Variants in GPC6 observed in about 807,000 individuals in gnomAD.
GPC6 encodes the protein glypican-6.
In GPC6, 14 loss-of-function variants were observed where a neutral mutation model predicts 55.2. That is an observed-to-expected ratio of 0.25 (90% CI 0.17 to 0.40). The LOEUF (loss-of-function observed/expected upper bound fraction) is 0.40, where lower values mean the gene tolerates loss of function less well. Among genes scored for constraint, GPC6 ranks in the 10% least tolerant of loss-of-function variants. The pLI, the probability that GPC6 is intolerant of heterozygous loss-of-function variation, is 1.00. For missense variants in GPC6, 641 were observed against 708.5 expected (o/e 0.90, Z 1.08); for synonymous variants, 278 against 259.6 (o/e 1.07, Z -0.68).
At chr13:93,290,327 A>C (rs1878275577) in intron 1 of GPC6, among the ~76,000 whole-genome samples, 2 of 152,162 alleles carry the variant, frequency 1.3e-5, no homozygotes, top group African/African-American at 4.8e-5. Context: ...GGGGCATATC[A>C]ATTAAGAACT....
intron 1 of GPC6, among the ~76,000 whole-genome samples, chr13:93,503,812 A>G (rs1880609935): frequency 6.6e-6 from 1 of 152,114 alleles, no homozygotes; most frequent in African/African-American, 2.4e-5. Flanking sequence ...GTTAAGTATA[A>G]TGTTTTAAAA....
chr13:93,405,586 G>C (rs537485300), intron 1 of GPC6, among the ~76,000 whole-genome samples: 1 of 152,038 alleles, frequency 6.6e-6, no homozygotes, highest in Non-Finnish European at 1.5e-5. Flanking sequence ...AACTGAGAGT[G>C]CCAATTTGAT....
chr13:93,245,794 C>G (rs76855083), intron 1 of GPC6, among the ~76,000 whole-genome samples: 2 of 152,132 alleles, frequency 1.3e-5, no homozygotes, highest in Admixed American at 1.3e-4. Context: ...TAGATCTCCC[C>G]GCATACTTTA....
At chr13:93,359,515 TA>T in intron 1 of GPC6, among the ~76,000 whole-genome samples, 2 of 152,294 alleles carry the variant, frequency 1.3e-5, no homozygotes, top group South Asian at 4.1e-4. Flanking sequence ...TATGTGTTTA[TA>T]ATAAATATAC....
At chr13:93,431,179 A>G (rs1227631666) in intron 1 of GPC6, among the ~76,000 whole-genome samples, 2 of 152,142 alleles carry the variant, frequency 1.3e-5, no homozygotes, top group Non-Finnish European at 2.9e-5. Flanking sequence ...ATGCCAAACT[A>G]AACACTTTTA....
chr13:94,087,577 G>A (rs922548505), intron 4 of GPC6, among the ~76,000 whole-genome samples: 2 of 152,162 alleles, frequency 1.3e-5, no homozygotes, highest in African/African-American at 2.4e-5. Flanking sequence ...AAGTGTGGAC[G>A]GCAATCCTAA....
At chr13:94,241,029 A>T (rs571034744) in intron 4 of GPC6, among the ~76,000 whole-genome samples, 2 of 152,238 alleles carry the variant, frequency 1.3e-5, no homozygotes, top group South Asian at 4.1e-4. Context: ...CCCCCATGGG[A>T]TGGTATTAGA....
chr13:93,681,227 T>G (rs1431810444), intron 2 of GPC6, among the ~76,000 whole-genome samples: 1 of 152,198 alleles, frequency 6.6e-6, no homozygotes, highest in Non-Finnish European at 1.5e-5. Flanking sequence ...TGCAGTATGT[T>G]GCAATTCCAG....
At chr13:93,239,793 G>A (rs185091079) in intron 1 of GPC6, among the ~76,000 whole-genome samples, 147 of 151,870 alleles carry the variant, frequency 9.7e-4, no homozygotes, top group African/African-American at 3.4e-3. Flanking sequence ...TGTTAGTACT[G>A]CTTTTACAGT....
At chr13:94,031,155 T>C (rs1257130258) in intron 4 of GPC6, among the ~76,000 whole-genome samples, 3 of 152,014 alleles carry the variant, frequency 2.0e-5, no homozygotes, top group Non-Finnish European at 4.4e-5. Flanking sequence ...GGAGTCTATT[T>C]AGGATGCATT....
At position 93,356,931 on chromosome 13, in the gene GPC6, C is replaced by G. The variant is rs932902511; in HGVS notation, c.160+129315C>G. Among the ~76,000 whole-genome samples, 103 of 152,096 alleles carry G rather than the reference C, an allele frequency of 6.8e-4. 3 individuals are homozygous for G. The highest frequency in any genetic ancestry group is 3.9e-4 in the Admixed American group (6 of 15,270). On this transcript the variant is annotated intron_variant, in intron 1 of 8. Coordinates refer to ENST00000377047, the MANE Select transcript of GPC6 (RefSeq NM_005708.5). ...AGTTTGTGCATGAGATCATGGGTCA[C>G]CAGGCTACATCAGCAAGCATTAGGA...
rs372102779 is a variant in GPC6 at position 94,106,293 on chromosome 13, GC to G, written c.877+78402del. Reference sequence around the variant, plus strand: ...AAGGTCATGGTCAACAGTGTTAGATGCCCTAAGAATCTGAGAAAAGGTTACA... The same window carrying G: ...AAGGTCATGGTCAACAGTGTTAGATGCCTAAGAATCTGAGAAAAGGTTACA... On this transcript the variant is annotated intron_variant, in intron 4 of 8. Coordinates refer to ENST00000377047, the MANE Select transcript of GPC6 (RefSeq NM_005708.5). 6.7e-3 allele frequency among the ~76,000 whole-genome samples: 1,007 copies of G among 151,226 alleles called. 11 individuals are homozygous for G. Among genetic ancestry groups the G allele is most frequent in the African/African-American group, 0.022 (910 of 41,278 alleles).
intron 1 of GPC6, among the ~76,000 whole-genome samples, chr13:93,380,928 G>C (rs774565655): frequency 9.9e-5 from 15 of 152,104 alleles, no homozygotes; most frequent in Non-Finnish European, 2.1e-4. Context: ...GAGTGGTCTA[G>C]ATTAACTCCA....
Position 93,327,782 on chromosome 13 carries a change from G to A in GPC6, c.160+100166G>A, listed in dbSNP as rs1050790492. Among the ~76,000 whole-genome samples the A allele has an allele frequency of 2.6e-5, 4 of 151,404 alleles. No homozygotes were observed. In the East Asian group the frequency reaches 5.8e-4, roughly 22 times the overall value. On this transcript the variant is annotated intron_variant, in intron 1 of 8. Coordinates refer to ENST00000377047, the MANE Select transcript of GPC6 (RefSeq NM_005708.5). ...TATAATATATATATATGTATTAAAC[G>A]GAATAAGTGTCTTAGCTAATGGCAT...
chr13:93,630,732 C>A (rs1258649075), intron 2 of GPC6, among the ~76,000 whole-genome samples: 2 of 152,064 alleles, frequency 1.3e-5, no homozygotes, highest in Non-Finnish European at 2.9e-5. Context: ...AAATAAAATA[C>A]AGTATACTTT....
chr13:93,305,448 A>G (rs1878825232), intron 1 of GPC6, among the ~76,000 whole-genome samples: 1 of 152,052 alleles, frequency 6.6e-6, no homozygotes, highest in African/African-American at 2.4e-5. Flanking sequence ...GGCAGGTGCT[A>G]TTTTTCTCAG....
chr13:93,663,545 A>T (rs1452342738), intron 2 of GPC6, among the ~76,000 whole-genome samples: 1 of 152,226 alleles, frequency 6.6e-6, no homozygotes, highest in East Asian at 1.9e-4. Context: ...GTCTCTGAAT[A>T]ATAATGGATT....
At chr13:94,330,443 G>A (rs1877351947) in intron 6 of GPC6, among the ~76,000 whole-genome samples, 1 of 152,096 alleles carries the variant, frequency 6.6e-6, no homozygotes, top group Non-Finnish European at 1.5e-5. Context: ...GTTTGGCTTG[G>A]GACTGACCCA....
intron 2 of GPC6, among the ~76,000 whole-genome samples, chr13:93,586,226 C>T (rs546832898): frequency 6.6e-6 from 1 of 152,204 alleles, no homozygotes; most frequent in East Asian, 1.9e-4. Flanking sequence ...GGTTTACTGT[C>T]CCTGTGTTAG....
Sources: gnomAD v4.1 joint callset for allele counts (sites outside exome capture counted in the v4.1 genomes callset) on GRCh38, gnomAD v4.1.1 for gene constraint, MANE v1.5 for transcripts, NCBI Gene and HGNC (gene_info 2026-07-23, HGNC 2026-07-21) for gene names.